TFAP2B: variants seen among roughly 807,000 people sequenced by gnomAD.
TFAP2B encodes transcription factor AP-2-beta.
TFAP2B carries 9 observed loss-of-function variants against 44.3 expected under a neutral mutation model. The observed-to-expected ratio is 0.20, with a 90% CI of 0.12 to 0.35. The LOEUF is 0.35. Ranked by LOEUF, TFAP2B falls within the 10% of genes least tolerant of loss-of-function variation. The pLI is 1.00. For missense variants in TFAP2B, 509 were observed against 600.0 expected (o/e 0.85, Z 1.59); for synonymous variants, 270 against 263.8 (o/e 1.02, Z -0.23).
chr6:50,829,934 T>A (rs1752823753), intron 3 of TFAP2B, among the ~76,000 whole-genome samples: 1 of 150,622 alleles, frequency 6.6e-6, no homozygotes, highest in Non-Finnish European at 1.5e-5. Context: ...TTTATTTTAG[T>A]GGTTGCTTCA....
chr6:50,828,719 C>A, intron 3 of TFAP2B, 40 bp downstream of exon 3: 1 of 1,602,298 alleles, frequency 6.2e-7, no homozygotes, highest in South Asian at 1.1e-5. Flanking sequence ...AAAGTTCTCT[C>A]ATGCATTAAC....
intron 3 of TFAP2B, among the ~76,000 whole-genome samples, chr6:50,831,155 A>G (rs537424813): frequency 6.6e-6 from 1 of 152,290 alleles, no homozygotes; most frequent in Admixed American, 6.5e-5. Flanking sequence ...ATGTCACCCC[A>G]TAGATTATGG....
At chr6:50,819,441 G>T (rs969814444) in intron 1 of TFAP2B, among the ~76,000 whole-genome samples, 1 of 151,996 alleles carries the variant, frequency 6.6e-6, no homozygotes, top group African/African-American at 2.4e-5. Flanking sequence ...ATAACAAATG[G>T]TTCCAAGTAG....
At chr6:50,840,493 G>A (rs533361854) in intron 6 of TFAP2B, among the ~76,000 whole-genome samples, 196 bp downstream of exon 6, 34 of 152,324 alleles carry the variant, frequency 2.2e-4, no homozygotes, top group Non-Finnish European at 4.0e-4. Context: ...GGGGAAAATG[G>A]CTTTGTTAAT....
chr6:50,823,814 T>TGAC lies in TFAP2B; in HGVS notation c.490_492dup (p.Asp164dup), dbSNP rs2113930118. ...ACCACGGCCTGGACGCGGGCATGGG[T>TGAC]GACAGCCTCTCGCTGCACGGCCTCG... On this transcript the variant is annotated inframe_insertion, in exon 2 of 7. Coordinates refer to ENST00000393655, the MANE Select transcript of TFAP2B (RefSeq NM_003221.4). The TGAC allele has an allele frequency of 6.4e-7, 1 of 1,574,126 alleles. No homozygotes were observed. Among genetic ancestry groups the TGAC allele is most frequent in the East Asian group, 2.3e-5 (1 of 42,630 alleles).
In TFAP2B at chr6:50,843,089, C is replaced by T; in HGVS notation, c.1083-3C>T. ...TTTCTGTGCCTCGCCCACCCCTTTG[C>T]AGGCAACTTTGTAAAGAATTTACGG... On this transcript the variant is annotated splice_region_variant and splice_polypyrimidine_tract_variant and intron_variant, in intron 6 of 6. Transcript: ENST00000393655. The T allele has an allele frequency of 1.9e-6, 3 of 1,614,256 alleles. No homozygotes were observed. Among genetic ancestry groups the T allele is most frequent in the African/African-American group, 1.3e-5 (1 of 75,084 alleles).
intron 1 of TFAP2B, among the ~76,000 whole-genome samples, chr6:50,820,397 C>G (rs557787252): frequency 1.3e-5 from 2 of 152,310 alleles, no homozygotes; most frequent in South Asian, 2.1e-4. Flanking sequence ...TCCTGCCCCC[C>G]CCCGAATCCT....
intron 1 of TFAP2B, among the ~76,000 whole-genome samples, chr6:50,821,004 A>T (rs146166237): frequency 3.3e-5 from 5 of 152,240 alleles, no homozygotes; most frequent in African/African-American, 9.6e-5. Context: ...ATCTGCCTAA[A>T]TTTTCTGCTC....
At chr6:50,836,365 G>A in intron 4 of TFAP2B, 85 bp downstream of exon 4, 3 of 1,233,764 alleles carry the variant, frequency 2.4e-6, no homozygotes, top group Non-Finnish European at 2.3e-6. Context: ...GTGAGGAGAA[G>A]GTTCCAGCAA....
chr6:50,820,829 A>G (rs1216770194), intron 1 of TFAP2B, among the ~76,000 whole-genome samples: 1 of 151,844 alleles, frequency 6.6e-6, no homozygotes, highest in Non-Finnish European at 1.5e-5. Context: ...TACAGAAAGT[A>G]AAGTAGCTAA....
intron 5 of TFAP2B, among the ~76,000 whole-genome samples, chr6:50,839,326 T>C (rs935180703): frequency 6.6e-6 from 1 of 152,214 alleles, no homozygotes; most frequent in Admixed American, 6.5e-5. Context: ...TTTGTTGTTA[T>C]GATAATAATG....
At chr6:50,843,015 G>A in intron 6 of TFAP2B, 77 bp from the exon 7 acceptor site, 1 of 1,592,804 alleles carries the variant, frequency 6.3e-7, no homozygotes, top group Non-Finnish European at 8.6e-7. Flanking sequence ...CTCTGGGCTT[G>A]TGTGAGCGTC....
At chr6:50,841,614 A>C (rs890282046) in intron 6 of TFAP2B, among the ~76,000 whole-genome samples, 1 of 152,166 alleles carries the variant, frequency 6.6e-6, no homozygotes, top group African/African-American at 2.4e-5. Flanking sequence ...TTCTGAACCT[A>C]GGGTATCAGA....
rs1266075954 is a variant in TFAP2B, at chr6:50,844,207, A to G, written c.*815A>G. ...ATCAGTTCCTTTCAGAAATGTTACT[A>G]GCTCCCAGCCTTGCCAGCATCTGCA... On this transcript the variant is annotated 3_prime_UTR_variant, in exon 7 of 7. Coordinates refer to ENST00000393655, the MANE Select transcript of TFAP2B (RefSeq NM_003221.4). The G allele has an allele frequency of 6.6e-6, 1 of 152,074 alleles. No homozygotes were observed. Among genetic ancestry groups the G allele is most frequent in the African/African-American group, 2.4e-5 (1 of 41,420 alleles). The allele number at this position is 152,074 out of a possible 1,614,324, so 9.4% of individuals were successfully genotyped here.
chr6:50,829,261 A>T (rs1770609585), intron 3 of TFAP2B, among the ~76,000 whole-genome samples: 1 of 152,256 alleles, frequency 6.6e-6, no homozygotes. Context: ...TTCATGATTT[A>T]GTGTGACTGT....
intron 5 of TFAP2B, among the ~76,000 whole-genome samples, chr6:50,838,887 T>C (rs1762673082): frequency 6.6e-6 from 1 of 152,208 alleles, no homozygotes; most frequent in Non-Finnish European, 1.5e-5. Flanking sequence ...GCATCTAGCT[T>C]GTAGGTCTTG....
intron 6 of TFAP2B, among the ~76,000 whole-genome samples, chr6:50,841,416 C>G (rs1762729355): frequency 6.6e-6 from 1 of 151,442 alleles, no homozygotes; most frequent in African/African-American, 2.4e-5. Context: ...GCGCTGGTGT[C>G]TGGTGAGGCA....
Position 50,838,422 on chromosome 6 carries a change from A to T in TFAP2B, c.940+329A>T, listed in dbSNP as rs190975076. Among the ~76,000 whole-genome samples the T allele has an allele frequency of 6.7e-4, 102 of 151,798 alleles. 2 individuals are homozygous for T. The South Asian group carries it at 0.019, about 28-fold the overall frequency. ...TCTTGCAAGAGTAACTCTTTAAGCA[A>T]TAATTCATTCTATACCCCTTCACCT... On this transcript the variant is annotated intron_variant, in intron 5 of 6. Coordinates refer to ENST00000393655, the MANE Select transcript of TFAP2B (RefSeq NM_003221.4).
Position 50,846,986 on chromosome 6 carries a change from C to A in TFAP2B, c.*3594C>A, listed in dbSNP as rs1388163777. ...CTTTGGTCGAATGGAAAACTCGAAA[C>A]CTCGAGCTTATCTACACACTGTTCC... On this transcript the variant is annotated 3_prime_UTR_variant, in exon 7 of 7. Transcript: ENST00000393655. 6.6e-6 allele frequency: 1 copy of A among 152,222 alleles called. No individual in the cohort carries two copies. The highest frequency in any genetic ancestry group is 1.5e-5 in the Non-Finnish European group (1 of 67,962). The allele number at this position is 152,222 out of a possible 1,614,324, so 9.4% of individuals were successfully genotyped here. A position where few individuals can be genotyped will look rare whatever the true frequency, so the allele number is the denominator to read the frequency against.
Sources: allele counts gnomAD v4.1 joint callset (sites outside exome capture counted in the v4.1 genomes callset), GRCh38; gene constraint gnomAD v4.1.1; transcripts MANE v1.5; gene names NCBI Gene and HGNC (gene_info 2026-07-23, HGNC 2026-07-21).